MYT1L: variants seen among roughly 807,000 people sequenced by gnomAD.
The protein encoded by MYT1L is myelin transcription factor 1 like, also known as myelin transcription factor 1-like protein.
A neutral mutation model predicts 126.7 loss-of-function variants in MYT1L; 12 were observed. The ratio of observed to expected loss-of-function variants is 0.09; its 90% CI spans 0.06 to 0.15. MYT1L has a LOEUF of 0.15. Ranked by LOEUF, MYT1L falls within the 10% of genes least tolerant of loss-of-function variation. The pLI, the probability that MYT1L is intolerant of heterozygous loss-of-function variation, is 1.00. For missense variants in MYT1L, 979 were observed against 1,585.2 expected (o/e 0.62, Z 6.49); for synonymous variants, 541 against 604.2 (o/e 0.90, Z 1.53).
chr2:1,886,946 A>C (rs1180539650), intron 17 of MYT1L: 10 of 402,798 alleles, frequency 2.5e-5, no homozygotes, highest in African/African-American at 2.1e-4. Flanking sequence ...AACATATAGC[A>C]CTTAAAGGGT....
intron 8 of MYT1L, among the ~76,000 whole-genome samples, chr2:1,965,611 CT>C (rs947883611): frequency 4.6e-5 from 7 of 152,240 alleles, no homozygotes; most frequent in African/African-American, 1.7e-4. Context: ...TGGCATGTCC[CT>C]TTTTCACACG....
intron 2 of MYT1L, among the ~76,000 whole-genome samples, chr2:2,276,582 C>T (rs2095362594): frequency 6.6e-6 from 1 of 152,156 alleles, no homozygotes; most frequent in Non-Finnish European, 1.5e-5. Flanking sequence ...GTCCTCCTGA[C>T]ATCTTCCTAC....
intron 3 of MYT1L, among the ~76,000 whole-genome samples, chr2:2,116,931 C>T (rs967687530): frequency 2.6e-5 from 4 of 152,234 alleles, no homozygotes; most frequent in African/African-American, 9.6e-5. Flanking sequence ...ACACATCTGG[C>T]ATTTGTCACC....
intron 9 of MYT1L, among the ~76,000 whole-genome samples, chr2:1,935,574 T>C (rs2055765466): frequency 6.6e-6 from 1 of 152,190 alleles, no homozygotes; most frequent in African/African-American, 2.4e-5. Context: ...ATTCTGCAAC[T>C]TCTTTAAGCT....
intron 3 of MYT1L, among the ~76,000 whole-genome samples, chr2:2,077,693 G>A (rs1167568502): frequency 6.6e-6 from 1 of 152,126 alleles, no homozygotes; most frequent in Admixed American, 6.5e-5. Context: ...TCTTCAAAGA[G>A]TTGAAAGACT....
chr2:2,318,224 T>C (rs1324000497), intron 1 of MYT1L, among the ~76,000 whole-genome samples: 1 of 152,262 alleles, frequency 6.6e-6, no homozygotes, highest in East Asian at 1.9e-4. Flanking sequence ...GGAATGTTGA[T>C]ATTTACCATT....
chr2:2,248,334 A>G (rs2094573208), intron 2 of MYT1L, among the ~76,000 whole-genome samples: 1 of 152,138 alleles, frequency 6.6e-6, no homozygotes, highest in Non-Finnish European at 1.5e-5. Flanking sequence ...AACCATGAAG[A>G]AATAAAAAAC....
chr2:2,168,955 T>G (rs1559210612), intron 3 of MYT1L, among the ~76,000 whole-genome samples: 1 of 152,214 alleles, frequency 6.6e-6, no homozygotes, highest in Admixed American at 6.5e-5. Flanking sequence ...ACTTCTTATT[T>G]TAAAAACAAT....
chr2:2,209,491 C>T (rs2093428962), intron 2 of MYT1L, among the ~76,000 whole-genome samples: 1 of 152,070 alleles, frequency 6.6e-6, no homozygotes. Context: ...TATGTGAGAA[C>T]ATGTGAAGCT....
intron 18 of MYT1L, 63 bp downstream of exon 18, chr2:1,886,473 CATT>C (rs1340455372): frequency 3.3e-6 from 4 of 1,198,710 alleles, no homozygotes; most frequent in Non-Finnish European, 4.6e-6. Flanking sequence ...AATGACATAT[CATT>C]TTTTTTTGTG....
chr2:2,174,731 ATAT>A (rs2090515897), intron 2 of MYT1L, among the ~76,000 whole-genome samples: 1 of 152,098 alleles, frequency 6.6e-6, no homozygotes, highest in Non-Finnish European at 1.5e-5. Flanking sequence ...TACTGACATA[ATAT>A]TATGATTTAA....
intron 18 of MYT1L, among the ~76,000 whole-genome samples, chr2:1,855,958 G>T (rs1432949102): frequency 2.6e-5 from 4 of 152,110 alleles, no homozygotes; most frequent in Non-Finnish European, 5.9e-5. Context: ...TTACTATCTG[G>T]TTGAAAAAAT....
chr2:2,133,466 G>T (rs766044012), intron 3 of MYT1L, among the ~76,000 whole-genome samples: 3 of 152,148 alleles, frequency 2.0e-5, no homozygotes, highest in Non-Finnish European at 2.9e-5. Flanking sequence ...TATTTGTGGA[G>T]ATTAATCCCA....
At position 2,199,343 on chromosome 2, in the gene MYT1L, G is replaced by A. The variant is rs142787266; in HGVS notation, c.-420-26355C>T. 7.2e-4 allele frequency among the ~76,000 whole-genome samples: 109 copies of A among 152,330 alleles called. 1 individual carries two copies. Among genetic ancestry groups the A allele is most frequent in the African/African-American group, 2.5e-3 (106 of 41,572 alleles). ...ACAAAAAAATTGTGCGGGACAGACT[G>A]CACACTTGGGCACTGCCTTCTTGCC... is the stretch of plus-strand genomic sequence containing the variant. On this transcript the variant is annotated intron_variant, in intron 2 of 24. Coordinates refer to ENST00000647738, the MANE Select transcript of MYT1L (RefSeq NM_001303052.2).
chr2:2,181,260 CTGTACCTGTG>C lies in MYT1L; in HGVS notation c.-420-8282_-420-8273del, dbSNP rs547136480. 5.3e-3 allele frequency among the ~76,000 whole-genome samples: 809 copies of C among 151,892 alleles called. 8 individuals carry two copies. The highest frequency in any genetic ancestry group is 0.019 in the African/African-American group (777 of 41,374). On this transcript the variant is annotated intron_variant, in intron 2 of 24. Transcript: ENST00000647738. ...TGTATATCTGTGTGTGCACATGTAT[CTGTACCTGTG>C]TGTACCCGTGTGCGTGCACCTGTGT... is the stretch of plus-strand genomic sequence containing the variant.
At chr2:2,241,900 C>G (rs965284258) in intron 2 of MYT1L, among the ~76,000 whole-genome samples, 11 of 152,154 alleles carry the variant, frequency 7.2e-5, no homozygotes, top group Admixed American at 1.3e-4. Context: ...TTCACAGAGA[C>G]AGAAAGCAGA....
chr2:1,949,660 G>T (rs2057562052), intron 8 of MYT1L, among the ~76,000 whole-genome samples: 1 of 152,190 alleles, frequency 6.6e-6, no homozygotes, highest in African/African-American at 2.4e-5. Flanking sequence ...CAGGGATAAG[G>T]TCTCAAGTAA....
chr2:2,139,031 T>G (rs1282644296), intron 3 of MYT1L, among the ~76,000 whole-genome samples: 1 of 151,798 alleles, frequency 6.6e-6, no homozygotes, highest in African/African-American at 2.4e-5. Flanking sequence ...GGAGCTTGGA[T>G]TCTAGCAGGG....
intron 4 of MYT1L, among the ~76,000 whole-genome samples, chr2:2,003,929 T>C (rs13004578): frequency 6.6e-6 from 1 of 152,126 alleles, no homozygotes; most frequent in Admixed American, 6.5e-5. Flanking sequence ...GTGCATGCCT[T>C]CTTTCCTGCA....
Sources: gnomAD v4.1 joint callset for allele counts (sites outside exome capture counted in the v4.1 genomes callset) on GRCh38, gnomAD v4.1.1 for gene constraint, MANE v1.5 for transcripts, NCBI Gene and HGNC (gene_info 2026-07-23, HGNC 2026-07-21) for gene names.